The following MAGED1 variants were observed in gnomAD, a reference collection of about 807,000 sequenced individuals.
MAGED1 encodes the protein melanoma-associated antigen D1.
MAGED1 carries 3 observed loss-of-function variants against 54.1 expected under a neutral mutation model. The ratio of observed to expected loss-of-function variants is 0.06; its 90% CI spans 0.03 to 0.14. The LOEUF is 0.14. Among genes scored for constraint, MAGED1 ranks in the 10% least tolerant of loss-of-function variants. The probability of loss-of-function intolerance (pLI) is 1.00; values close to 1 mark genes in which losing one functional copy is unlikely to be tolerated. For synonymous variants in MAGED1, 217 were observed against 227.3 expected (o/e 0.95, Z 0.41); for missense variants, 485 against 623.4 (o/e 0.78, Z 2.36).
intron 1 of MAGED1, among the ~76,000 whole-genome samples, chrX:51,862,908 A>C (rs1927329548): frequency 1.8e-5 from 2 of 112,182 alleles, no homozygotes; most frequent in African/African-American, 6.5e-5. Flanking sequence ...ATAAATATAC[A>C]TTGGGAAATG....
intron 1 of MAGED1, among the ~76,000 whole-genome samples, chrX:51,880,787 A>C (rs545419566): frequency 9.0e-6 from 1 of 111,321 alleles, no homozygotes; most frequent in South Asian, 3.9e-4. Flanking sequence ...GAACGAAATC[A>C]CTGTCATTGG....
chrX:51,824,556 A>AT (rs1925760830), intron 1 of MAGED1, among the ~76,000 whole-genome samples: 1 of 109,860 alleles, frequency 9.1e-6, no homozygotes, highest in Non-Finnish European at 1.9e-5. Context: ...GTATGTAAAC[A>AT]TTTTTTCATC....
intron 1 of MAGED1, among the ~76,000 whole-genome samples, chrX:51,873,071 TAAAA>T (rs1290410071): frequency 1.8e-5 from 2 of 109,640 alleles, no homozygotes; most frequent in African/African-American, 3.3e-5. Flanking sequence ...AATAAAAAAA[TAAAA>T]AGAAAGAGGG....
chrX:51,883,396 T>C (rs1240236699), intron 1 of MAGED1, among the ~76,000 whole-genome samples: 2 of 111,606 alleles, frequency 1.8e-5, no homozygotes, highest in African/African-American at 6.5e-5. Flanking sequence ...AGAGTGGTAC[T>C]GGTAAAAGCT....
chrX:51,859,136 T>A (rs1343932866), intron 1 of MAGED1, among the ~76,000 whole-genome samples: 3 of 110,807 alleles, frequency 2.7e-5, no homozygotes, highest in Non-Finnish European at 5.7e-5. Context: ...CTTGCTCATT[T>A]TTTTTTTAGG....
chrX:51,899,001 G>A (rs963553816), intron 10 of MAGED1: 1 of 151,032 alleles, frequency 6.6e-6, no homozygotes, highest in Non-Finnish European at 1.3e-5. Context: ...GTGAGACCCT[G>A]TCTCAAAAAA....
intron 1 of MAGED1, among the ~76,000 whole-genome samples, chrX:51,815,524 AT>A (rs1175202317): frequency 3.8e-3 from 386 of 102,787 alleles, no homozygotes; most frequent in Middle Eastern, 4.9e-3. Flanking sequence ...TAGCTGTATA[AT>A]TTTTTTTTTT....
chrX:51,888,885 A>G (rs189311262), upstream of MAGED1, among the ~76,000 whole-genome samples: 33 of 112,530 alleles, frequency 2.9e-4, no homozygotes, highest in Non-Finnish European at 4.7e-4. Flanking sequence ...GACATATTGT[A>G]TGATTACATT....
At chrX:51,899,862 C>T in intron 10 of MAGED1, 1 of 239,310 alleles carries the variant, frequency 4.2e-6, no homozygotes. Context: ...CTGCATTGTA[C>T]TCATTTCAAT....
intron 1 of MAGED1, among the ~76,000 whole-genome samples, chrX:51,830,839 G>A (rs1413243419): frequency 8.9e-6 from 1 of 111,775 alleles, no homozygotes; most frequent in Admixed American, 9.5e-5. Flanking sequence ...GGTTTCATAT[G>A]CTGTCTCCTT....
At chrX:51,811,712 C>G (rs1428824893) in intron 1 of MAGED1, among the ~76,000 whole-genome samples, 1 of 111,288 alleles carries the variant, frequency 9.0e-6, no homozygotes, top group East Asian at 2.8e-4. Context: ...CTCTATTTGT[C>G]TTCTTTATTA....
At chrX:51,849,220 A>G (rs1329408609) in intron 1 of MAGED1, among the ~76,000 whole-genome samples, 2 of 111,205 alleles carry the variant, frequency 1.8e-5, no homozygotes, top group Non-Finnish European at 3.8e-5. Context: ...TCAGTCGTAT[A>G]CCAATTTCCT....
intron 1 of MAGED1, among the ~76,000 whole-genome samples, chrX:51,810,845 G>T (rs1161925988): frequency 9.0e-6 from 1 of 111,632 alleles, no homozygotes; most frequent in Non-Finnish European, 1.9e-5. Context: ...TCAAGGAAAG[G>T]CATATATGTA....
chrX:51,824,749 TAC>T (rs1925779264), intron 1 of MAGED1, among the ~76,000 whole-genome samples: 1 of 98,525 alleles, frequency 1.0e-5, no homozygotes, highest in Non-Finnish European at 2.0e-5. Flanking sequence ...TATATATATA[TAC>T]ACATACATAT....
intron 1 of MAGED1, among the ~76,000 whole-genome samples, chrX:51,809,686 T>A (rs782148889): frequency 9.0e-6 from 1 of 111,417 alleles, no homozygotes; most frequent in African/African-American, 3.3e-5. Context: ...TTTTTTTTAA[T>A]TGATGCTGGG....
At chrX:51,863,586 C>T (rs1346666360) in intron 1 of MAGED1, among the ~76,000 whole-genome samples, 3 of 111,966 alleles carry the variant, frequency 2.7e-5, no homozygotes, top group Admixed American at 1.9e-4. Flanking sequence ...CCACTTTATA[C>T]TCTCACCAAC....
chrX:51,814,551 C>T (rs1054701655), intron 1 of MAGED1, among the ~76,000 whole-genome samples: 4 of 111,193 alleles, frequency 3.6e-5, no homozygotes, highest in African/African-American at 1.3e-4. Context: ...GGTTAGGGAC[C>T]CCGCAGAAAT....
intron 1 of MAGED1, among the ~76,000 whole-genome samples, chrX:51,856,199 C>G (rs1927077393): frequency 8.9e-6 from 1 of 112,238 alleles, no homozygotes; most frequent in South Asian, 3.7e-4. Flanking sequence ...TTCATTTTTT[C>G]ACTAATATAA....
chrX:51,822,729 C>T (rs2146958022), intron 1 of MAGED1, among the ~76,000 whole-genome samples: 1 of 110,999 alleles, frequency 9.0e-6, no homozygotes, highest in Admixed American at 9.6e-5. Context: ...ATTTGGTTTG[C>T]TAGTATTTTG....
Sources: gnomAD v4.1 joint callset for allele counts (sites outside exome capture counted in the v4.1 genomes callset) on GRCh38, gnomAD v4.1.1 for gene constraint, MANE v1.5 for transcripts, NCBI Gene and HGNC (gene_info 2026-07-23, HGNC 2026-07-21) for gene names.